Variants in LCP2 observed in about 807,000 individuals in gnomAD.
LCP2 encodes the protein lymphocyte cytosolic protein 2, also known as 76 kDa tyrosine phosphoprotein.
In LCP2, 29 loss-of-function variants were observed where a neutral mutation model predicts 74.5. The observed-to-expected ratio is 0.39, with a 90% CI of 0.29 to 0.53. The LOEUF (loss-of-function observed/expected upper bound fraction) is 0.53, where lower values mean the gene tolerates loss of function less well. Ranked by LOEUF, LCP2 falls within the 20% of genes least tolerant of loss-of-function variation. The pLI, the probability that LCP2 is intolerant of heterozygous loss-of-function variation, is 0.72. For synonymous variants in LCP2, 228 were observed against 229.5 expected (o/e 0.99, Z 0.06); for missense variants, 604 against 634.6 (o/e 0.95, Z 0.52).
At chr5:170,293,494 G>T in intron 1 of LCP2, 122 bp from the exon 2 acceptor site, 1 of 884,124 alleles carries the variant, frequency 1.1e-6, no homozygotes, top group Non-Finnish European at 1.8e-6. Context: ...GCTCCCCACT[G>T]CCCTCCCTTG....
intron 17 of LCP2, 91 bp from the exon 18 acceptor site, chr5:170,253,304 A>G: frequency 1.2e-6 from 1 of 812,192 alleles, no homozygotes; most frequent in Non-Finnish European, 2.0e-6. Flanking sequence ...CACTCCCCCA[A>G]AAAAATACCC....
chr5:170,287,731 G>A, intron 3 of LCP2: 1 of 567,524 alleles, frequency 1.8e-6, no homozygotes, highest in East Asian at 3.0e-5. Flanking sequence ...ACATTGGCCA[G>A]AGTTGGGCTT....
chr5:170,290,138 CA>C (rs940700080), intron 2 of LCP2, among the ~76,000 whole-genome samples: 70 of 152,278 alleles, frequency 4.6e-4, no homozygotes, highest in African/African-American at 1.3e-3. Context: ...CCACCTTTTC[CA>C]AAAGCCTCCA....
chr5:170,254,684 C>T (rs988303070), intron 17 of LCP2, among the ~76,000 whole-genome samples: 4 of 152,166 alleles, frequency 2.6e-5, no homozygotes, highest in Admixed American at 6.5e-5. Flanking sequence ...AACCAAGGCC[C>T]GCATTGCATG....
intron 15 of LCP2, 87 bp from the exon 16 acceptor site, chr5:170,258,253 C>G (rs1213482466): frequency 7.1e-7 from 1 of 1,402,036 alleles, no homozygotes; most frequent in African/African-American, 1.4e-5. Context: ...CAGTTAGAAA[C>G]AGCTAGTATA....
chr5:170,265,233 C>T (rs146830924), intron 10 of LCP2, among the ~76,000 whole-genome samples: 1,771 of 152,098 alleles, frequency 0.012, 22 homozygotes, highest in South Asian at 0.014. Flanking sequence ...GTGATCTGCC[C>T]GCCTCAGCCT....
At chr5:170,271,736 G>A (rs1490122762) in intron 6 of LCP2, among the ~76,000 whole-genome samples, 5 of 151,944 alleles carry the variant, frequency 3.3e-5, no homozygotes, top group Non-Finnish European at 7.4e-5. Context: ...CGCTCATCAT[G>A]GTCATGCCAA....
At chr5:170,255,528 G>GA (rs751125613) in intron 17 of LCP2, among the ~76,000 whole-genome samples, 18 of 152,124 alleles carry the variant, frequency 1.2e-4, no homozygotes, top group Non-Finnish European at 2.5e-4. Context: ...CTTTTCTTGA[G>GA]AAAAAAATTG....
intron 1 of LCP2, among the ~76,000 whole-genome samples, chr5:170,295,472 G>A (rs1340691218): frequency 6.6e-6 from 1 of 152,190 alleles, no homozygotes; most frequent in South Asian, 2.1e-4. Flanking sequence ...TCACTGATGA[G>A]GAAGTTGAGG....
intron 14 of LCP2, among the ~76,000 whole-genome samples, chr5:170,260,841 C>T (rs1346989192): frequency 6.6e-6 from 1 of 152,216 alleles, no homozygotes; most frequent in Non-Finnish European, 1.5e-5. Flanking sequence ...CCTGTAATTA[C>T]CGGCCCCTGG....
intron 3 of LCP2, among the ~76,000 whole-genome samples, chr5:170,281,423 GTGC>G (rs1417035649): frequency 1.3e-5 from 2 of 152,240 alleles, no homozygotes; most frequent in East Asian, 1.9e-4. Flanking sequence ...GGGACTACAG[GTGC>G]CTGCCACCAC....
chr5:170,273,910 T>G, intron 6 of LCP2: 1 of 127,142 alleles, frequency 7.9e-6, no homozygotes, highest in Non-Finnish European at 1.5e-5. Flanking sequence ...GGAGTGTCCA[T>G]TTTTGGAGAC....
intron 8 of LCP2, among the ~76,000 whole-genome samples, chr5:170,268,020 T>C (rs1761800261): frequency 6.6e-6 from 1 of 152,144 alleles, no homozygotes; most frequent in South Asian, 2.1e-4. Flanking sequence ...TGAAGGCTCC[T>C]GTCCTTGGAA....
rs1561967409 is a variant in LCP2, at chr5:170,256,693, C to A, written c.1101-118G>T. On this transcript the variant is annotated intron_variant, in intron 16 of 20. Coordinates refer to ENST00000046794, the MANE Select transcript of LCP2 (RefSeq NM_005565.5). This position sits in a 1 kb window ranked among gnomAD's most constrained non-coding sequence, Gnocchi z 4.5. The stretch of plus-strand genomic sequence containing the variant: ...TCTTGATTTGGTATCACTTTCCCTG[C>A]TGCCCCCAAAACCATGGGGGCTGGG... 1.4e-6 allele frequency: 1 copy of A among 740,018 alleles called. No individual in the cohort carries two copies. The highest frequency in any genetic ancestry group is 2.6e-5 in the East Asian group (1 of 38,304). 45.8% of individuals were successfully genotyped at this position (740,018 alleles called of 1,614,324 possible). A position where few individuals can be genotyped will look rare whatever the true frequency, so the allele number is the denominator to read the frequency against.
At chr5:170,261,080 A>G in intron 14 of LCP2, 27 bp downstream of exon 14, 1 of 1,559,018 alleles carries the variant, frequency 6.4e-7, no homozygotes, top group South Asian at 1.1e-5. Context: ...TGTATCAAGC[A>G]CTTACAAACT....
chr5:170,293,317 C>T lies in LCP2; in HGVS notation c.134G>A (p.Arg45His), dbSNP rs775257921. Residue 45 changes from arginine to histidine, a missense_variant, in exon 2 of 21, where the codon CGC becomes CAC. By Grantham distance (29) the Arg-to-His change is conservative. Coordinates refer to ENST00000046794, the MANE Select transcript of LCP2 (RefSeq NM_005565.5). Reference sequence around the variant, plus strand: ...GGACTAGCCAGAGCTTACCAAGAAGCGAGCCCCATCGATGTGGTACTTCTT... The same window carrying T: ...GGACTAGCCAGAGCTTACCAAGAAGTGAGCCCCATCGATGTGGTACTTCTT... ...AVKKYHIDGA[R>H]FLNLTENDIQ... is the part of the protein sequence containing the mutation. The T allele has an allele frequency of 1.4e-5, 23 of 1,607,148 alleles. 1 individual carries two copies. Among genetic ancestry groups the T allele is most frequent in the Middle Eastern group, 1.6e-4 (1 of 6,078 alleles).
rs570861821 is a variant in LCP2, at chr5:170,275,403, T to C, written c.255-52A>G. ...ATGGTCTTCTCGATTTAAGGGGATC[T>C]CCCTCTTTCCTCAACCTGGTCCAGC... On this transcript the variant is annotated intron_variant, in intron 4 of 20. Transcript: ENST00000046794. 45 of 1,599,944 alleles carry C rather than the reference T, an allele frequency of 2.8e-5. 1 individual carries two copies. The African/African-American group carries it at 4.4e-4, about 16-fold the overall frequency.
At chr5:170,286,058 T>G (rs970052458) in intron 3 of LCP2, among the ~76,000 whole-genome samples, 3 of 152,212 alleles carry the variant, frequency 2.0e-5, no homozygotes, top group African/African-American at 7.2e-5. Flanking sequence ...CTTTCATATA[T>G]TTTGCCTGGT....
chr5:170,291,226 A>AAGGAAGGAAGGAAGG (rs1561979324), intron 2 of LCP2, among the ~76,000 whole-genome samples: 5 of 52,910 alleles, frequency 9.5e-5, no homozygotes, highest in African/African-American at 2.0e-4. Flanking sequence ...AGGAAGGAAG[A>AAGGAAGGAAGGAAGG]AAGGAAGGAA....
Sources: gnomAD v4.1 joint callset for allele counts (sites outside exome capture counted in the v4.1 genomes callset) on GRCh38, gnomAD v4.1.1 for gene constraint, Gnocchi (gnomAD v3.1) non-coding constraint, MANE v1.5 for transcripts, NCBI Gene and HGNC (gene_info 2026-07-23, HGNC 2026-07-21) for gene names.